Variants in NR6A1 observed in about 807,000 individuals in gnomAD.
NR6A1 encodes the protein retinoic acid receptor-related testis-associated receptor.
Under a neutral mutation model 59.1 loss-of-function variants are expected in NR6A1, and 7 were observed. That is an observed-to-expected ratio of 0.12 (90% confidence interval 0.07 to 0.22). NR6A1 has a LOEUF of 0.22. Among genes scored for constraint, NR6A1 ranks in the 10% least tolerant of loss-of-function variants. NR6A1 has a pLI of 1.00. For synonymous variants in NR6A1, 243 were observed against 236.1 expected (o/e 1.03, Z -0.27); for missense variants, 468 against 611.6 (o/e 0.77, Z 2.48).
At chr9:124,706,791 C>T (rs956625518) in intron 2 of NR6A1, among the ~76,000 whole-genome samples, 2 of 152,214 alleles carry the variant, frequency 1.3e-5, no homozygotes, top group African/African-American at 4.8e-5. Flanking sequence ...GCTGATATTA[C>T]AGGCGTGAGC....
intron 1 of NR6A1, among the ~76,000 whole-genome samples, chr9:124,733,876 A>C (rs1159402809): frequency 6.6e-6 from 1 of 152,222 alleles, no homozygotes; most frequent in Non-Finnish European, 1.5e-5. Context: ...TTTTCCATTA[A>C]TAAGTATGCT....
chr9:124,694,065 A>G (rs1287437832), intron 2 of NR6A1, among the ~76,000 whole-genome samples: 1 of 152,242 alleles, frequency 6.6e-6, no homozygotes, highest in Non-Finnish European at 1.5e-5. Flanking sequence ...GAATTTCTAA[A>G]CAGAATCATA....
At chr9:124,702,305 A>T (rs1402802434) in intron 2 of NR6A1, among the ~76,000 whole-genome samples, 1 of 152,184 alleles carries the variant, frequency 6.6e-6, no homozygotes, top group Non-Finnish European at 1.5e-5. Context: ...AGAGTCTTAG[A>T]TAAATTTTTG....
chr9:124,637,778 G>C (rs1836653842), intron 2 of NR6A1, among the ~76,000 whole-genome samples: 1 of 151,434 alleles, frequency 6.6e-6, no homozygotes, highest in African/African-American at 2.4e-5. Context: ...TGTAGTCCCA[G>C]CTACTCAGGA....
At chr9:124,570,991 A>ATGGCAG (rs1226885235) in intron 2 of NR6A1, among the ~76,000 whole-genome samples, 1 of 152,186 alleles carries the variant, frequency 6.6e-6, no homozygotes, top group Admixed American at 6.5e-5. Context: ...TATGTATCTC[A>ATGGCAG]TGGCAGTGGA....
At chr9:124,748,526 G>C (rs1221837065) in intron 1 of NR6A1, among the ~76,000 whole-genome samples, 1 of 152,114 alleles carries the variant, frequency 6.6e-6, no homozygotes, top group African/African-American at 2.4e-5. Flanking sequence ...CACTAATTGT[G>C]GTCCCATAGG....
At chr9:124,608,791 C>T (rs1297056580) in intron 2 of NR6A1, among the ~76,000 whole-genome samples, 1 of 152,174 alleles carries the variant, frequency 6.6e-6, no homozygotes, top group Non-Finnish European at 1.5e-5. Context: ...TTCTCTGCAG[C>T]CTCACCAGCA....
chr9:124,729,972 C>A (rs1199947529), intron 2 of NR6A1, among the ~76,000 whole-genome samples: 1 of 152,094 alleles, frequency 6.6e-6, no homozygotes, highest in Non-Finnish European at 1.5e-5. Flanking sequence ...GCCACCACAA[C>A]CCAGCTAATT....
chr9:124,539,385 G>A (rs1588649295), intron 5 of NR6A1, among the ~76,000 whole-genome samples: 1 of 152,194 alleles, frequency 6.6e-6, no homozygotes, highest in East Asian at 1.9e-4. Context: ...AGGCAGAATG[G>A]AGAAGCTGAG....
At chr9:124,733,888 T>C (rs963693120) in intron 1 of NR6A1, among the ~76,000 whole-genome samples, 18 of 152,228 alleles carry the variant, frequency 1.2e-4, no homozygotes, top group African/African-American at 4.3e-4. Context: ...AAGTATGCTA[T>C]TCAGGTTGGA....
At chr9:124,599,036 C>A in intron 2 of NR6A1, 1 of 736,272 alleles carries the variant, frequency 1.4e-6, no homozygotes, top group South Asian at 1.4e-5. Context: ...CATGAGGAGG[C>A]GGGTGGTCCC....
chr9:124,561,170 T>A (rs1834075046), intron 2 of NR6A1, among the ~76,000 whole-genome samples: 1 of 152,148 alleles, frequency 6.6e-6, no homozygotes, highest in Non-Finnish European at 1.5e-5. Context: ...GCACAGTGGC[T>A]CATGCCTGTG....
intron 7 of NR6A1, among the ~76,000 whole-genome samples, chr9:124,529,529 G>A (rs115147604): frequency 1.1e-3 from 169 of 152,356 alleles, no homozygotes; most frequent in African/African-American, 3.9e-3. Flanking sequence ...GTAAATGGTA[G>A]TGGTGGTGAG....
At chr9:124,626,553 A>T (rs186184779) in intron 2 of NR6A1, among the ~76,000 whole-genome samples, 2 of 152,368 alleles carry the variant, frequency 1.3e-5, no homozygotes, top group Admixed American at 1.3e-4. Flanking sequence ...AGCCTCCAGC[A>T]TGACAGATAC....
intron 2 of NR6A1, among the ~76,000 whole-genome samples, chr9:124,584,952 G>A (rs1259891304): frequency 6.6e-6 from 1 of 152,154 alleles, no homozygotes; most frequent in Admixed American, 6.5e-5. Flanking sequence ...AGTTCTTGAA[G>A]GAAATTAAAA....
rs116177512 is a variant in NR6A1, at chr9:124,723,467, C to T, written c.142+9841G>A. Among the ~76,000 whole-genome samples the T allele has an allele frequency of 1.3e-3, 196 of 152,286 alleles. 1 individual carries two copies. Among genetic ancestry groups the T allele is most frequent in the African/African-American group, 4.5e-3 (187 of 41,554 alleles). ...CAGCAGCATATGAGCTCTTCTATTC[C>T]TGTGACTGAACTATTTAATTGAGTC... On this transcript the variant is annotated intron_variant, in intron 2 of 9. Transcript: ENST00000487099.
chr9:124,528,777 AC>A lies in NR6A1; in HGVS notation c.1080-1878del, dbSNP rs571799441. On this transcript the variant is annotated intron_variant, in intron 7 of 9. Transcript: ENST00000487099. The stretch of plus-strand genomic sequence containing the variant: ...CCAAAAAACCTAAAAAAGAAAAAAA[AC>A]AACCTCCCCCAACAAAAAACCAGTG... 1.7e-4 allele frequency among the ~76,000 whole-genome samples: 26 copies of A among 152,292 alleles called. No individual in the cohort carries two copies. The East Asian group carries it at 4.6e-3, about 27-fold the overall frequency.
chr9:124,693,015 G>A (rs1217462362), intron 2 of NR6A1, among the ~76,000 whole-genome samples: 1 of 152,156 alleles, frequency 6.6e-6, no homozygotes, highest in East Asian at 1.9e-4. Context: ...TTGAATTATA[G>A]TTAATATGGT....
At chr9:124,678,123 G>A (rs1007344301) in intron 2 of NR6A1, among the ~76,000 whole-genome samples, 5 of 152,030 alleles carry the variant, frequency 3.3e-5, no homozygotes, top group African/African-American at 1.2e-4. Context: ...GTTTTTATTG[G>A]CTGTCAGTAG....
Sources: gnomAD v4.1 joint callset for allele counts (sites outside exome capture counted in the v4.1 genomes callset) on GRCh38, gnomAD v4.1.1 for gene constraint, MANE v1.5 for transcripts, NCBI Gene and HGNC (gene_info 2026-07-23, HGNC 2026-07-21) for gene names.